LRP1B: variants seen among roughly 807,000 people sequenced by gnomAD.
The protein encoded by LRP1B is LDL receptor related protein 1B.
In LRP1B, 217 loss-of-function variants were observed where a neutral mutation model predicts 556.6. That is an observed-to-expected ratio of 0.39 (90% CI 0.35 to 0.44). LRP1B has a LOEUF of 0.44. LRP1B is among the 20% of genes least tolerant of loss of function. The probability of loss-of-function intolerance (pLI) is 1.00; values close to 1 mark genes in which losing one functional copy is unlikely to be tolerated. For synonymous variants in LRP1B, 2,047 were observed against 1,865.8 expected (o/e 1.10, Z -2.50); for missense variants, 5,053 against 5,620.8 (o/e 0.90, Z 3.23).
chr2:140,529,435 G>GC lies in LRP1B; in HGVS notation c.7763-3086_7763-3085insG, dbSNP rs1212124731. Among the ~76,000 whole-genome samples, 14 of 109,126 alleles carry GC rather than the reference G, an allele frequency of 1.3e-4. No individual in the cohort carries two copies. In the East Asian group the frequency reaches 2.8e-3, roughly 22 times the overall value. 71.6% of individuals were successfully genotyped at this position (109,126 alleles called of 152,430 possible). A position where few individuals can be genotyped will look rare whatever the true frequency, so the allele number is the denominator to read the frequency against. ...TCGTAGCAAAGGGAAGCTGAAAAGG[G>GC]GGGGGGGAAGCATTAAGTTTGCTCT... On this transcript the variant is annotated intron_variant, in intron 47 of 90. Coordinates refer to ENST00000389484, the MANE Select transcript of LRP1B (RefSeq NM_018557.3).
intron 6 of LRP1B, among the ~76,000 whole-genome samples, chr2:141,204,451 C>T (rs1408240457): frequency 6.6e-6 from 1 of 152,136 alleles, no homozygotes; most frequent in Non-Finnish European, 1.5e-5. Flanking sequence ...GGTCCTCCAC[C>T]TCAGATACTT....
At chr2:140,449,431 T>G (rs1686796843) in intron 63 of LRP1B, among the ~76,000 whole-genome samples, 2 of 152,166 alleles carry the variant, frequency 1.3e-5, no homozygotes, top group South Asian at 4.1e-4. Context: ...AGTGTACTTA[T>G]CCCACAGAGA....
intron 1 of LRP1B, among the ~76,000 whole-genome samples, chr2:142,104,279 G>A (rs1359275166): frequency 1.3e-5 from 2 of 151,990 alleles, no homozygotes; most frequent in African/African-American, 4.8e-5. Flanking sequence ...ATTCTTTTAC[G>A]GGAGAGTTTA....
At chr2:141,663,113 G>T (rs886710449) in intron 2 of LRP1B, among the ~76,000 whole-genome samples, 3 of 152,134 alleles carry the variant, frequency 2.0e-5, no homozygotes, top group African/African-American at 7.2e-5. Flanking sequence ...AATTAAGGCA[G>T]AAATCAAGTT....
chr2:141,045,006 ACTT>A (rs1244917544), intron 11 of LRP1B, among the ~76,000 whole-genome samples: 1 of 151,580 alleles, frequency 6.6e-6, no homozygotes. Flanking sequence ...GATAGCAAAG[ACTT>A]GGAACCAACC....
intron 66 of LRP1B, among the ~76,000 whole-genome samples, chr2:140,406,706 T>A (rs1292622013): frequency 6.6e-6 from 1 of 152,100 alleles, no homozygotes; most frequent in African/African-American, 2.4e-5. Flanking sequence ...CACAAAAATA[T>A]GTAAACCCAG....
intron 65 of LRP1B, among the ~76,000 whole-genome samples, chr2:140,443,117 G>A (rs1553466383): frequency 6.6e-6 from 1 of 152,162 alleles, no homozygotes; most frequent in Non-Finnish European, 1.5e-5. Flanking sequence ...CTGGAGTTCA[G>A]TGACACAGTC....
intron 47 of LRP1B, 137 bp downstream of exon 47, chr2:140,533,884 C>T: frequency 2.3e-6 from 2 of 855,712 alleles, no homozygotes; most frequent in Non-Finnish European, 3.5e-6. Context: ...AACTCCATTC[C>T]AACAGCATTT....
intron 2 of LRP1B, among the ~76,000 whole-genome samples, chr2:141,675,895 T>C (rs1034637955): frequency 1.3e-5 from 2 of 151,958 alleles, no homozygotes; most frequent in South Asian, 2.1e-4. Context: ...AATTTTTTAT[T>C]TTAGTTTTGA....
rs1359879470 is a variant in LRP1B at position 142,115,627 on chromosome 2, ATATAT to A, written c.82+15016_82+15020del. On this transcript the variant is annotated intron_variant, in intron 1 of 90. Transcript: ENST00000389484. ...AATATATATTATATATATGTAATAT[ATATAT>A]TATATATGTAATATATATATTATAT... Among the ~76,000 whole-genome samples the A allele has an allele frequency of 2.8e-4, 10 of 36,320 alleles. 1 individual carries two copies. The highest frequency in any genetic ancestry group is 1.4e-3 in the Admixed American group (2 of 1,396). 23.8% of individuals were successfully genotyped at this position (36,320 alleles called of 152,430 possible). A position where few individuals can be genotyped will look rare whatever the true frequency, so the allele number is the denominator to read the frequency against.
intron 23 of LRP1B, among the ~76,000 whole-genome samples, chr2:140,891,049 A>T (rs894249846): frequency 9.9e-5 from 15 of 152,274 alleles, no homozygotes; most frequent in South Asian, 2.1e-4. Context: ...TAACAGCTCA[A>T]ATCAGCATAC....
chr2:140,342,318 T>C (rs1368474543), intron 77 of LRP1B, among the ~76,000 whole-genome samples: 2 of 151,298 alleles, frequency 1.3e-5, no homozygotes, highest in African/African-American at 4.8e-5. Context: ...ATAAAAATAT[T>C]TACTATTCAG....
chr2:141,957,656 G>GC (rs997450435), intron 1 of LRP1B, among the ~76,000 whole-genome samples: 18 of 151,996 alleles, frequency 1.2e-4, no homozygotes, highest in African/African-American at 3.9e-4. Context: ...TCCAGTTCTT[G>GC]TTTTTTACAG....
intron 7 of LRP1B, among the ~76,000 whole-genome samples, chr2:141,079,936 A>G (rs1219941560): frequency 6.6e-6 from 1 of 152,216 alleles, no homozygotes; most frequent in Non-Finnish European, 1.5e-5. Context: ...ATCATGTCCA[A>G]TTTTTAAAGG....
intron 77 of LRP1B, among the ~76,000 whole-genome samples, chr2:140,338,072 A>T (rs560232553): frequency 0.013 from 2,046 of 151,776 alleles, 48 homozygotes; most frequent in African/African-American, 0.047. Context: ...AAAAACGAAA[A>T]AAAAAACTTA....
At chr2:140,303,180 C>T (rs1276132817) in intron 83 of LRP1B, among the ~76,000 whole-genome samples, 1 of 151,118 alleles carries the variant, frequency 6.6e-6, no homozygotes, top group Non-Finnish European at 1.5e-5. Flanking sequence ...TTACATATAT[C>T]TTCTAAAATG....
At chr2:140,613,379 A>AT (rs1263353208) in intron 41 of LRP1B, among the ~76,000 whole-genome samples, 14 of 135,018 alleles carry the variant, frequency 1.0e-4, no homozygotes, top group Admixed American at 4.2e-4. Flanking sequence ...AAATATATAT[A>AT]ATTATATACA....
chr2:141,633,798 T>C (rs355597), intron 2 of LRP1B, among the ~76,000 whole-genome samples: 25,989 of 151,850 alleles, frequency 0.17, 2,650 homozygotes, highest in African/African-American at 0.27. Flanking sequence ...TCAAACTACA[T>C]TAAAGGACTG....
At chr2:140,776,813 C>T (rs190479500) in intron 32 of LRP1B, among the ~76,000 whole-genome samples, 260 of 152,028 alleles carry the variant, frequency 1.7e-3, no homozygotes, top group African/African-American at 4.8e-3. Context: ...TAATTTATAC[C>T]GGTACCACCT....
Sources: gnomAD v4.1 joint callset for allele counts (sites outside exome capture counted in the v4.1 genomes callset) on GRCh38, gnomAD v4.1.1 for gene constraint, MANE v1.5 for transcripts, NCBI Gene and HGNC (gene_info 2026-07-23, HGNC 2026-07-21) for gene names.